The following ARB2A variants were observed in gnomAD, a reference collection of about 807,000 sequenced individuals.
ARB2A encodes the protein ARB2 cotranscriptional regulator A.
the ARB2A span, among the ~76,000 whole-genome samples, chr5:93,643,722 G>A: frequency 6.6e-6 from 1 of 152,136 alleles, no homozygotes; most frequent in African/African-American, 2.4e-5. Context: ...TCAAACTCCT[G>A]ATCTCAGGTG....
At chr5:93,985,692 C>T in the ARB2A span, among the ~76,000 whole-genome samples, 6 of 152,190 alleles carry the variant, frequency 3.9e-5, no homozygotes, top group African/African-American at 7.2e-5. Context: ...CCCGAGGTGC[C>T]GGGATTGCAG....
the ARB2A span, among the ~76,000 whole-genome samples, chr5:93,830,911 T>C: frequency 6.6e-6 from 1 of 152,298 alleles, no homozygotes; most frequent in South Asian, 2.1e-4. Flanking sequence ...CTTGTTTTCC[T>C]GCAACTAGGT....
At chr5:93,690,919 A>G in the ARB2A span, among the ~76,000 whole-genome samples, 1 of 152,176 alleles carries the variant, frequency 6.6e-6, no homozygotes, top group Admixed American at 6.5e-5. Flanking sequence ...GTGGACCTCC[A>G]GCAAACTCCA....
At chr5:93,821,433 C>A in the ARB2A span, among the ~76,000 whole-genome samples, 10 of 152,136 alleles carry the variant, frequency 6.6e-5, no homozygotes, top group South Asian at 2.1e-4. Flanking sequence ...GGACAAAAAA[C>A]CAAATCATAA....
chr5:94,067,604 G>A, the ARB2A span, among the ~76,000 whole-genome samples: 1 of 151,892 alleles, frequency 6.6e-6, no homozygotes, highest in East Asian at 1.9e-4. Flanking sequence ...AAATACCTAG[G>A]AATAAATTTA....
At chr5:94,015,979 T>C in the ARB2A span, among the ~76,000 whole-genome samples, 1 of 152,122 alleles carries the variant, frequency 6.6e-6, no homozygotes, top group East Asian at 1.9e-4. Context: ...AATTCTCTAA[T>C]TAAAAAGCAC....
chr5:94,101,898 T>C, the ARB2A span, among the ~76,000 whole-genome samples: 1 of 151,708 alleles, frequency 6.6e-6, no homozygotes, highest in Non-Finnish European at 1.5e-5. Flanking sequence ...CTGTGACACA[T>C]GTTATCTATG....
chr5:93,683,542 A>G, the ARB2A span: 2 of 1,484,114 alleles, frequency 1.3e-6, no homozygotes, highest in Admixed American at 3.3e-5. Context: ...CTGCTTCAAC[A>G]ATGTGCAGTT....
At chr5:93,857,503 C>T in the ARB2A span, among the ~76,000 whole-genome samples, 2 of 152,112 alleles carry the variant, frequency 1.3e-5, no homozygotes, top group African/African-American at 4.8e-5. Flanking sequence ...GCGCCCCTCC[C>T]CGAGCCTCGC....
the ARB2A span, among the ~76,000 whole-genome samples, chr5:93,899,397 C>T: frequency 6.6e-6 from 1 of 151,856 alleles, no homozygotes; most frequent in South Asian, 2.1e-4. Context: ...AGTTCTTTTT[C>T]GTTCTGGTGA....
the ARB2A span, among the ~76,000 whole-genome samples, chr5:93,630,521 C>T: frequency 6.6e-6 from 1 of 152,196 alleles, no homozygotes. Flanking sequence ...CACTTTGCAT[C>T]ATTTGTGGCT....
chr5:93,807,405 A>C, the ARB2A span, among the ~76,000 whole-genome samples: 24 of 151,950 alleles, frequency 1.6e-4, no homozygotes, highest in Non-Finnish European at 3.5e-4. Context: ...CTGCTTAATC[A>C]TTTCCATATT....
chr5:93,808,226 G>A, the ARB2A span, among the ~76,000 whole-genome samples: 2 of 151,820 alleles, frequency 1.3e-5, no homozygotes, highest in African/African-American at 4.8e-5. Flanking sequence ...ACTCTTCCTG[G>A]GATCTGGAGT....
chr5:93,732,560 C>T, the ARB2A span, among the ~76,000 whole-genome samples: 1 of 151,440 alleles, frequency 6.6e-6, no homozygotes. Context: ...TACACTGAAG[C>T]TCTTTAACAT....
the ARB2A span, among the ~76,000 whole-genome samples, chr5:93,836,655 C>T: frequency 1.3e-5 from 2 of 152,044 alleles, no homozygotes; most frequent in Admixed American, 6.6e-5. Flanking sequence ...TAAATGTATG[C>T]TTTTTTACAA....
the ARB2A span, among the ~76,000 whole-genome samples, chr5:93,843,418 T>C: frequency 1.1e-5 from 1 of 89,576 alleles, no homozygotes; most frequent in East Asian, 2.3e-4. Context: ...ACAAGGATAC[T>C]TTTTTTTTTT....
chr5:93,750,941 T>C, the ARB2A span, among the ~76,000 whole-genome samples: 2 of 152,174 alleles, frequency 1.3e-5, no homozygotes, highest in Admixed American at 1.3e-4. Flanking sequence ...TGAAGAGAAT[T>C]TTTAAAAAGT....
chr5:93,791,150 A>G, the ARB2A span, among the ~76,000 whole-genome samples: 3 of 152,206 alleles, frequency 2.0e-5, no homozygotes, highest in Admixed American at 2.0e-4. Context: ...CTGATTTTGT[A>G]AAGTGATTTG....
At chr5:93,841,013 T>C in the ARB2A span, among the ~76,000 whole-genome samples, 11 of 152,112 alleles carry the variant, frequency 7.2e-5, no homozygotes, top group Non-Finnish European at 1.5e-4. Flanking sequence ...GATTCTTAGA[T>C]TCCAAAACTG....
Sources: gnomAD v4.1 joint callset for allele counts (sites outside exome capture counted in the v4.1 genomes callset) on GRCh38, gnomAD v4.1.1 for gene constraint, MANE v1.5 for transcripts, NCBI Gene and HGNC (gene_info 2026-07-23, HGNC 2026-07-21) for gene names.